CCDC192: variants seen among roughly 807,000 people sequenced by gnomAD.
CCDC192 encodes coiled-coil domain-containing protein 192.
chr5:127,879,537 C>T (rs1191588202), intron 6 of CCDC192, among the ~76,000 whole-genome samples: 117 of 58,784 alleles, frequency 2.0e-3, no homozygotes, highest in Non-Finnish European at 2.5e-3. Flanking sequence ...GCAAGGACTT[C>T]ATGTCTAAAA....
At chr5:127,882,241 A>C (rs1752385572) in intron 6 of CCDC192, among the ~76,000 whole-genome samples, 1 of 152,178 alleles carries the variant, frequency 6.6e-6, no homozygotes, top group Admixed American at 6.5e-5. Flanking sequence ...ACACTACACA[A>C]CTTATCCCAT....
intron 5 of CCDC192, among the ~76,000 whole-genome samples, chr5:127,822,548 A>G (rs1580711521): frequency 6.6e-6 from 1 of 152,194 alleles, no homozygotes; most frequent in South Asian, 2.1e-4. Flanking sequence ...AAAACAGACT[A>G]TGAAAAGGGA....
intron 5 of CCDC192, among the ~76,000 whole-genome samples, chr5:127,858,209 A>G (rs1395233829): frequency 1.3e-5 from 2 of 151,858 alleles, no homozygotes; most frequent in Non-Finnish European, 2.9e-5. Context: ...CATTACAATC[A>G]CCTCCCATTG....
chr5:127,774,554 A>G (rs1755750564), intron 3 of CCDC192, among the ~76,000 whole-genome samples: 1 of 152,180 alleles, frequency 6.6e-6, no homozygotes. Flanking sequence ...TCAAACATCA[A>G]TTAGCCATAG....
intron 2 of CCDC192, among the ~76,000 whole-genome samples, chr5:127,731,805 T>A (rs753623383): frequency 3.3e-4 from 50 of 152,192 alleles, no homozygotes; most frequent in Admixed American, 1.9e-3. Context: ...GCTAGCCATA[T>A]GCAGAAAATT....
intron 6 of CCDC192, among the ~76,000 whole-genome samples, chr5:127,933,755 G>T (rs1754115898): frequency 6.6e-6 from 1 of 152,116 alleles, no homozygotes; most frequent in African/African-American, 2.4e-5. Flanking sequence ...TCTTTAGGAG[G>T]TGACAAGGTC....
At chr5:127,832,386 G>A (rs1004301134) in intron 5 of CCDC192, among the ~76,000 whole-genome samples, 1 of 152,176 alleles carries the variant, frequency 6.6e-6, no homozygotes, top group Non-Finnish European at 1.5e-5. Flanking sequence ...CCACTTCTGT[G>A]TATGTAACCT....
At chr5:127,764,356 G>C (rs935588843) in intron 3 of CCDC192, among the ~76,000 whole-genome samples, 1 of 152,180 alleles carries the variant, frequency 6.6e-6, no homozygotes, top group African/African-American at 2.4e-5. Context: ...ATATTTATGA[G>C]TTGGATTTGG....
rs574995860 is a variant in CCDC192, at chr5:127,841,287, C to T, written c.412-34251C>T. 5.0e-4 allele frequency among the ~76,000 whole-genome samples: 76 copies of T among 152,234 alleles called. 1 individual carries two copies. The highest frequency in any genetic ancestry group is 1.2e-3 in the African/African-American group (50 of 41,554). On this transcript the variant is annotated intron_variant, in intron 5 of 6. Coordinates refer to ENST00000514853, the MANE Select transcript of CCDC192 (RefSeq NM_001317938.2). The stretch of plus-strand genomic sequence containing the variant: ...ACATAATTTCGGAGTATATTATAAC[C>T]TGGAAGAGCTGAGCCCTTCAGATTT...
intron 6 of CCDC192, among the ~76,000 whole-genome samples, chr5:127,889,243 A>T (rs1752659860): frequency 6.6e-6 from 1 of 152,156 alleles, no homozygotes; most frequent in Non-Finnish European, 1.5e-5. Flanking sequence ...ATTCCTGAAG[A>T]AAACTGATAG....
chr5:127,717,341 T>G (rs980779367), intron 2 of CCDC192, among the ~76,000 whole-genome samples: 1 of 152,144 alleles, frequency 6.6e-6, no homozygotes, highest in African/African-American at 2.4e-5. Context: ...TTACCCACAT[T>G]ATACTCTCCT....
chr5:127,833,008 T>G (rs1749871376), intron 5 of CCDC192, among the ~76,000 whole-genome samples: 1 of 152,186 alleles, frequency 6.6e-6, no homozygotes, highest in South Asian at 2.1e-4. Context: ...AGGGAAAAAT[T>G]TAATCGTGGC....
chr5:127,922,443 G>C (rs539174964), intron 6 of CCDC192, among the ~76,000 whole-genome samples: 1 of 152,178 alleles, frequency 6.6e-6, no homozygotes, highest in South Asian at 2.1e-4. Flanking sequence ...TTGCAATGTT[G>C]AAAGTTTAAA....
At chr5:127,939,510 A>G (rs1336427184) in intron 6 of CCDC192, among the ~76,000 whole-genome samples, 1 of 152,138 alleles carries the variant, frequency 6.6e-6, no homozygotes, top group Non-Finnish European at 1.5e-5. Context: ...AATGTTAGTA[A>G]AGAGCTAATA....
chr5:127,721,023 C>A (rs144557574), intron 2 of CCDC192, among the ~76,000 whole-genome samples: 1 of 152,280 alleles, frequency 6.6e-6, no homozygotes, highest in East Asian at 1.9e-4. Flanking sequence ...GAAATGTCTT[C>A]GAGGTCTTTC....
chr5:127,754,392 G>T lies in CCDC192; in HGVS notation c.222+17G>T. The T allele has an allele frequency of 2.5e-6, 1 of 398,084 alleles. No individual in the cohort carries two copies. Among genetic ancestry groups the T allele is most frequent in the South Asian group, 1.3e-4 (1 of 7,828 alleles). 24.7% of individuals were successfully genotyped at this position (398,084 alleles called of 1,614,324 possible). On this transcript the variant is annotated intron_variant, in intron 3 of 6. Transcript: ENST00000514853. ...TCTGAACAGGTAACACCTGTCATGG[G>T]AACTGGAAACAAATGTTCCTCAGTG...
At chr5:127,718,186 C>A (rs1326875192) in intron 2 of CCDC192, among the ~76,000 whole-genome samples, 1 of 151,978 alleles carries the variant, frequency 6.6e-6, no homozygotes, top group Non-Finnish European at 1.5e-5. Context: ...CATGATAGTG[C>A]AAATGTATAA....
intron 3 of CCDC192, chr5:127,785,627 A>G (rs1294143615): frequency 6.0e-6 from 1 of 165,740 alleles, no homozygotes; most frequent in African/African-American, 2.4e-5. Flanking sequence ...GTTCTGGTAG[A>G]TGAGCCTCTT....
intron 2 of CCDC192, among the ~76,000 whole-genome samples, chr5:127,734,620 T>G (rs1211961791): frequency 7.1e-6 from 1 of 141,498 alleles, no homozygotes; most frequent in Non-Finnish European, 1.5e-5. Context: ...ATAGCCATTC[T>G]AACTGGTGTG....
Sources: gnomAD v4.1 joint callset for allele counts (sites outside exome capture counted in the v4.1 genomes callset) on GRCh38, gnomAD v4.1.1 for gene constraint, MANE v1.5 for transcripts, NCBI Gene and HGNC (gene_info 2026-07-23, HGNC 2026-07-21) for gene names.